The following PPP1R9A variants were observed in gnomAD, a reference collection of about 807,000 sequenced individuals.
The protein encoded by PPP1R9A is protein phosphatase 1 regulatory subunit 9A, also known as neurabin-1.
A neutral mutation model predicts 141.9 loss-of-function variants in PPP1R9A; 59 were observed. That is an observed-to-expected ratio of 0.42 (90% CI 0.34 to 0.52). The LOEUF is 0.52. Among genes scored for constraint, PPP1R9A ranks in the 20% least tolerant of loss-of-function variants. PPP1R9A has a pLI of 0.10. For missense variants in PPP1R9A, 1,444 were observed against 1,611.9 expected (o/e 0.90, Z 1.78); for synonymous variants, 500 against 569.7 (o/e 0.88, Z 1.74).
intron 5 of PPP1R9A, among the ~76,000 whole-genome samples, chr7:95,176,014 A>G (rs761014841): frequency 6.6e-6 from 1 of 152,086 alleles, no homozygotes; most frequent in African/African-American, 2.4e-5. Context: ...GTAGGCTCTC[A>G]TCATGAATTT....
chr7:95,249,356 C>T (rs1156278996), intron 9 of PPP1R9A, among the ~76,000 whole-genome samples: 5 of 151,976 alleles, frequency 3.3e-5, no homozygotes, highest in Non-Finnish European at 7.4e-5. Flanking sequence ...AATAAGATCA[C>T]CAAAAGGGTT....
Position 95,077,168 on chromosome 7 carries a change from A to G in PPP1R9A, c.1396-34091A>G, listed in dbSNP as rs1814977674. 3.3e-5 allele frequency among the ~76,000 whole-genome samples: 5 copies of G among 152,142 alleles called. No individual in the cohort carries two copies. The South Asian group carries it at 1.0e-3, about 31-fold the overall frequency. On this transcript the variant is annotated intron_variant, in intron 2 of 19. Transcript: ENST00000433360. ...CTGACTTCAGTAAGCAATGATTGTT[A>G]TGAGATAAATGTTTGCTCTTAATTA... is the stretch of plus-strand genomic sequence containing the variant.
At chr7:95,241,459 T>C (rs1199949388) in intron 8 of PPP1R9A, among the ~76,000 whole-genome samples, 1 of 152,182 alleles carries the variant, frequency 6.6e-6, no homozygotes, top group Non-Finnish European at 1.5e-5. Context: ...TAATTCAACT[T>C]CATGACTCTT....
chr7:95,003,637 A>G (rs705369), intron 2 of PPP1R9A, among the ~76,000 whole-genome samples: 100,738 of 152,050 alleles, frequency 0.66, 34,388 homozygotes, highest in African/African-American at 0.82. Flanking sequence ...TTAGTAATTT[A>G]TTTGACCTAT....
intron 12 of PPP1R9A, among the ~76,000 whole-genome samples, chr7:95,256,411 G>A: frequency 6.6e-6 from 1 of 152,026 alleles, no homozygotes; most frequent in Non-Finnish European, 1.5e-5. Flanking sequence ...ATTTAATGAA[G>A]TTTAATACCT....
At chr7:95,134,047 G>A (rs1452747994) in intron 4 of PPP1R9A, among the ~76,000 whole-genome samples, 1 of 152,066 alleles carries the variant, frequency 6.6e-6, no homozygotes, top group Non-Finnish European at 1.5e-5. Context: ...ATTTACAATA[G>A]CAAAGACTTG....
chr7:94,917,994 T>C (rs1030610823), intron 2 of PPP1R9A, among the ~76,000 whole-genome samples: 4 of 152,230 alleles, frequency 2.6e-5, no homozygotes, highest in Non-Finnish European at 4.4e-5. Flanking sequence ...AGATGTGGGA[T>C]AAATTCTGTA....
At chr7:95,242,208 A>G (rs1215496870) in intron 8 of PPP1R9A, among the ~76,000 whole-genome samples, 2 of 152,186 alleles carry the variant, frequency 1.3e-5, no homozygotes, top group Non-Finnish European at 2.9e-5. Flanking sequence ...TCTTTTGTGA[A>G]GCTATATTGT....
chr7:95,142,248 A>G (rs1826833228), intron 4 of PPP1R9A, among the ~76,000 whole-genome samples: 2 of 152,128 alleles, frequency 1.3e-5, no homozygotes, highest in Admixed American at 1.3e-4. Context: ...TATTCTGGAC[A>G]GAAGTTTCTT....
At chr7:95,200,183 C>G (rs1789228692) in intron 6 of PPP1R9A, among the ~76,000 whole-genome samples, 1 of 151,806 alleles carries the variant, frequency 6.6e-6, no homozygotes, top group African/African-American at 2.4e-5. Context: ...CCAAGTAAAA[C>G]ATTTAGATCA....
intron 1 of PPP1R9A, among the ~76,000 whole-genome samples, chr7:94,909,051 A>G (rs1375113007): frequency 6.6e-6 from 1 of 152,236 alleles, no homozygotes; most frequent in Non-Finnish European, 1.5e-5. Context: ...TTGATATAAA[A>G]TCCTGCTGTG....
At chr7:95,199,810 C>T (rs1219763790) in intron 6 of PPP1R9A, among the ~76,000 whole-genome samples, 2 of 152,136 alleles carry the variant, frequency 1.3e-5, no homozygotes, top group East Asian at 3.9e-4. Flanking sequence ...GAACTTGTAT[C>T]TTACCTGGTT....
chr7:95,023,221 C>T (rs984492223), intron 2 of PPP1R9A, among the ~76,000 whole-genome samples: 2 of 152,014 alleles, frequency 1.3e-5, no homozygotes, highest in Non-Finnish European at 2.9e-5. Context: ...GTGTATGTGT[C>T]GAGAAATTTA....
chr7:95,126,312 A>G (rs1418109856), intron 4 of PPP1R9A, among the ~76,000 whole-genome samples: 1 of 152,194 alleles, frequency 6.6e-6, no homozygotes, highest in East Asian at 1.9e-4. Context: ...ACTATCCAGT[A>G]ACATTAAACA....
chr7:95,248,741 A>T (rs536873459), intron 9 of PPP1R9A, among the ~76,000 whole-genome samples: 1 of 152,256 alleles, frequency 6.6e-6, no homozygotes, highest in Admixed American at 6.5e-5. Flanking sequence ...TCATCATTAT[A>T]TTGGCATGTA....
At chr7:95,083,401 G>A (rs1369861276) in intron 2 of PPP1R9A, among the ~76,000 whole-genome samples, 3 of 151,924 alleles carry the variant, frequency 2.0e-5, no homozygotes, top group Non-Finnish European at 4.4e-5. Flanking sequence ...GAGGGAGAAG[G>A]TTACACAGTA....
At position 95,076,416 on chromosome 7, in the gene PPP1R9A, C is replaced by T. The variant is rs568021619; in HGVS notation, c.1396-34843C>T. The stretch of plus-strand genomic sequence containing the variant: ...TACCATTTATTGTATAATCCACCTT[C>T]TCTTCATTATTTTGACATATTTTGT... On this transcript the variant is annotated intron_variant, in intron 2 of 19. Transcript: ENST00000433360. 6.5e-3 allele frequency among the ~76,000 whole-genome samples: 985 copies of T among 152,204 alleles called. 10 individuals are homozygous for T. Among genetic ancestry groups the T allele is most frequent in the African/African-American group, 0.023 (938 of 41,542 alleles).
chr7:94,969,643 G>T (rs1798638431), intron 2 of PPP1R9A, among the ~76,000 whole-genome samples: 1 of 152,142 alleles, frequency 6.6e-6, no homozygotes, highest in South Asian at 2.1e-4. Flanking sequence ...ACTTGAGGAG[G>T]CAATCTGATG....
At chr7:95,094,747 G>A (rs1186513180) in intron 2 of PPP1R9A, among the ~76,000 whole-genome samples, 2 of 151,874 alleles carry the variant, frequency 1.3e-5, no homozygotes, top group African/African-American at 4.8e-5. Flanking sequence ...GGGCATGGTG[G>A]CATGCGCCTG....
Sources: allele counts gnomAD v4.1 joint callset (sites outside exome capture counted in the v4.1 genomes callset), GRCh38; gene constraint gnomAD v4.1.1; transcripts MANE v1.5; gene names NCBI Gene and HGNC (gene_info 2026-07-23, HGNC 2026-07-21).